Variants in SOBP observed in about 807,000 individuals in gnomAD.
SOBP encodes sine oculis-binding protein homolog.
SOBP carries 4 observed loss-of-function variants against 53.6 expected under a neutral mutation model. The observed-to-expected ratio is 0.07, with a 90% CI of 0.04 to 0.17. The LOEUF is 0.17. SOBP is among the 10% of genes least tolerant of loss of function. The pLI is 1.00. For synonymous variants in SOBP, 584 were observed against 522.6 expected (o/e 1.12, Z -1.60); for missense variants, 1,088 against 1,204.7 (o/e 0.90, Z 1.43).
intron 4 of SOBP, among the ~76,000 whole-genome samples, chr6:107,539,619 C>G (rs979074033): frequency 2.0e-5 from 3 of 152,210 alleles, no homozygotes; most frequent in Admixed American, 6.5e-5. Context: ...ACATTGTGTT[C>G]TGGTGACTGC....
chr6:107,513,565 G>T (rs1783232383), intron 3 of SOBP, among the ~76,000 whole-genome samples: 1 of 152,114 alleles, frequency 6.6e-6, no homozygotes, highest in Non-Finnish European at 1.5e-5. Context: ...GCTTGCATAT[G>T]ATGATGTGTT....
chr6:107,558,820 A>G (rs1784695101), intron 4 of SOBP, among the ~76,000 whole-genome samples: 1 of 152,254 alleles, frequency 6.6e-6, no homozygotes, highest in African/African-American at 2.4e-5. Flanking sequence ...TTAAAAAGTG[A>G]GACCTTTTTA....
chr6:107,648,716 T>C (rs1206944801), intron 6 of SOBP, among the ~76,000 whole-genome samples: 1 of 152,030 alleles, frequency 6.6e-6, no homozygotes, highest in Non-Finnish European at 1.5e-5. Flanking sequence ...AGGGGGAAAC[T>C]TGACTTTGGG....
chr6:107,494,131 G>T (rs1782643265), intron 1 of SOBP, among the ~76,000 whole-genome samples: 1 of 152,138 alleles, frequency 6.6e-6, no homozygotes, highest in African/African-American at 2.4e-5. Flanking sequence ...AAGACTGGTT[G>T]TACCAATGTA....
chr6:107,515,762 A>G (rs1018369090), intron 3 of SOBP, among the ~76,000 whole-genome samples: 8 of 152,200 alleles, frequency 5.3e-5, no homozygotes, highest in Admixed American at 5.2e-4. Context: ...ACAAAAAAAG[A>G]AGGAAAACTT....
intron 5 of SOBP, among the ~76,000 whole-genome samples, chr6:107,616,715 C>A (rs1009279735): frequency 6.6e-6 from 1 of 152,178 alleles, no homozygotes; most frequent in Non-Finnish European, 1.5e-5. Context: ...AGGGGCCGAG[C>A]GTGGATTCGG....
At chr6:107,597,625 TA>T (rs780380522) in intron 5 of SOBP, among the ~76,000 whole-genome samples, 2 of 152,222 alleles carry the variant, frequency 1.3e-5, no homozygotes, top group African/African-American at 4.8e-5. Flanking sequence ...TATGAATGCA[TA>T]AAAATAAATA....
Position 107,635,446 on chromosome 6 carries a change from A to T in SOBP, c.2602A>T (p.Ile868Phe), listed in dbSNP as rs761348804. 6.2e-7 allele frequency: 1 copy of T among 1,613,366 alleles called. No individual in the cohort carries two copies. Among genetic ancestry groups the T allele is most frequent in the Non-Finnish European group, 8.5e-7 (1 of 1,180,018 alleles). Residue 868 changes from isoleucine (I) to phenylalanine (F), a missense_variant, in exon 6 of 7, where the codon ATT becomes TTT. Coordinates refer to ENST00000317357, the MANE Select transcript of SOBP (RefSeq NM_018013.4). The surrounding 1 kb of genome is among the most constrained non-coding windows in gnomAD (Gnocchi z 4.5). ...GCCGCTCAAAAGGAGGTGCCTCCGA[A>T]TTAGAAATCAGAATAAGTAAAAGGT... is the stretch of plus-strand genomic sequence containing the variant. ...EPPLKRRCLR[I>F]RNQNK
At chr6:107,512,168 ACCT>A (rs904944400) in intron 3 of SOBP, among the ~76,000 whole-genome samples, 3 of 151,932 alleles carry the variant, frequency 2.0e-5, no homozygotes, top group Non-Finnish European at 4.4e-5. Context: ...AAATGTAAAA[ACCT>A]CCTTCTTTGC....
At chr6:107,604,303 T>C (rs996330838) in intron 5 of SOBP, among the ~76,000 whole-genome samples, 1 of 152,214 alleles carries the variant, frequency 6.6e-6, no homozygotes, top group Non-Finnish European at 1.5e-5. Context: ...AGTATTCCTT[T>C]GCCACTTGCT....
chr6:107,503,774 C>A lies in SOBP; in HGVS notation c.214C>A (p.Gln72Lys), dbSNP rs770659633. The change falls in exon 2 of 7, where the codon CAG becomes AAG. Residue 72 changes from glutamine (Q) to lysine (K), a missense_variant. By Grantham distance (53) the Gln-to-Lys change is moderately conservative. This residue lies in a region of SOBP where 112 missense variants were observed against 117.9 expected (regional missense o/e 0.95). Coordinates refer to ENST00000317357, the MANE Select transcript of SOBP (RefSeq NM_018013.4). ...RSYPTDGESRQHISVLKENSL... is the reference protein window; with the variant it reads ...RSYPTDGESRKHISVLKENSL... Reference sequence around the variant, plus strand: ...CTACCCTACAGATGGGGAGAGCCGGCAGCACATTTCTGTTCTCAAAGGTAA... The same window carrying A: ...CTACCCTACAGATGGGGAGAGCCGGAAGCACATTTCTGTTCTCAAAGGTAA... 22 of 1,613,992 alleles carry A rather than the reference C, an allele frequency of 1.4e-5. No homozygotes were observed. Among genetic ancestry groups the A allele is most frequent in the Non-Finnish European group, 1.8e-5 (21 of 1,180,030 alleles).
chr6:107,565,411 C>T (rs1784885881), intron 4 of SOBP, among the ~76,000 whole-genome samples: 1 of 151,774 alleles, frequency 6.6e-6, no homozygotes, highest in East Asian at 1.9e-4. Flanking sequence ...TTCTACGTTG[C>T]TCCACCTCTT....
intron 5 of SOBP, among the ~76,000 whole-genome samples, chr6:107,621,553 C>G (rs1349839356): frequency 6.6e-6 from 1 of 152,194 alleles, no homozygotes; most frequent in African/African-American, 2.4e-5. Context: ...CAGTCACTCT[C>G]ACACAGGTTT....
At chr6:107,566,127 A>C (rs1784910420) in intron 4 of SOBP, among the ~76,000 whole-genome samples, 2 of 152,260 alleles carry the variant, frequency 1.3e-5, no homozygotes. Context: ...TGACTTCACT[A>C]TTAACTGAAC....
At chr6:107,591,890 C>T (rs996724577) in intron 5 of SOBP, among the ~76,000 whole-genome samples, 4 of 151,910 alleles carry the variant, frequency 2.6e-5, no homozygotes, top group African/African-American at 7.2e-5. Context: ...TTTCCTTCCC[C>T]GCACCCCCTC....
intron 3 of SOBP, among the ~76,000 whole-genome samples, chr6:107,526,465 G>C (rs1353771951): frequency 6.6e-6 from 1 of 152,016 alleles, no homozygotes; most frequent in African/African-American, 2.4e-5. Context: ...CCACTCTCTG[G>C]CTCCTGCAGT....
Position 107,595,838 on chromosome 6 carries a change from G to A in SOBP, c.669+8663G>A, listed in dbSNP as rs183651535. Among the ~76,000 whole-genome samples the A allele has an allele frequency of 1.1e-4, 17 of 152,260 alleles. No homozygotes were observed. In the East Asian group the frequency reaches 2.9e-3, roughly 26 times the overall value. ...AAATTAGAGATGGGAGGACTGGTAAGGCAATTTTAAAAGGGAAGAAGGAAG... is the reference window on the plus strand; with the variant it reads ...AAATTAGAGATGGGAGGACTGGTAAAGCAATTTTAAAAGGGAAGAAGGAAG... On this transcript the variant is annotated intron_variant, in intron 5 of 6. Transcript: ENST00000317357.
At chr6:107,591,467 C>T (rs1416904919) in intron 5 of SOBP, among the ~76,000 whole-genome samples, 3 of 152,118 alleles carry the variant, frequency 2.0e-5, no homozygotes, top group Non-Finnish European at 4.4e-5. Context: ...AGGGAAGATA[C>T]CTTTGATCCA....
At chr6:107,575,971 G>T (rs903501714) in intron 4 of SOBP, among the ~76,000 whole-genome samples, 1 of 152,156 alleles carries the variant, frequency 6.6e-6, no homozygotes, top group Non-Finnish European at 1.5e-5. Flanking sequence ...AGAGAGTGTC[G>T]TTGGAGCAGA....
Sources: allele counts gnomAD v4.1 joint callset (sites outside exome capture counted in the v4.1 genomes callset), GRCh38; gene constraint gnomAD v4.1.1; regional missense constraint gnomAD v4.1.1; non-coding constraint Gnocchi (gnomAD v3.1); transcripts MANE v1.5; gene names NCBI Gene and HGNC (gene_info 2026-07-23, HGNC 2026-07-21).